ANKH: variants seen among roughly 807,000 people sequenced by gnomAD.
ANKH encodes mineralization regulator ANKH.
In ANKH, 15 loss-of-function variants were observed where a neutral mutation model predicts 49.0. That is an observed-to-expected ratio of 0.31 (90% CI 0.20 to 0.47). The LOEUF (loss-of-function observed/expected upper bound fraction) is 0.47. Among genes scored for constraint, ANKH ranks in the 20% least tolerant of loss-of-function variants. ANKH has a pLI of 1.00. For synonymous variants in ANKH, 273 were observed against 260.0 expected (o/e 1.05, Z -0.48); for missense variants, 429 against 652.0 (o/e 0.66, Z 3.72).
At chr5:14,754,592 T>TAC (rs137954196) in intron 4 of ANKH, among the ~76,000 whole-genome samples, 7 of 151,550 alleles carry the variant, frequency 4.6e-5, no homozygotes, top group Non-Finnish European at 7.4e-5. Flanking sequence ...TGCTAGTATT[T>TAC]ACACACACAC....
chr5:14,746,019 G>T, intron 6 of ANKH, 57 bp from the exon 7 acceptor site: 1 of 1,433,884 alleles, frequency 7.0e-7, no homozygotes, highest in Non-Finnish European at 9.8e-7. Flanking sequence ...TCCTCCAGGA[G>T]CTACAGTAGG....
intron 8 of ANKH, among the ~76,000 whole-genome samples, chr5:14,722,131 T>C (rs917981791): frequency 6.6e-6 from 1 of 152,154 alleles, no homozygotes; most frequent in Non-Finnish European, 1.5e-5. Context: ...AACAGTGTCA[T>C]TTTAATGAGT....
At chr5:14,746,053 G>A in intron 6 of ANKH, 91 bp from the exon 7 acceptor site, 1 of 1,007,504 alleles carries the variant, frequency 9.9e-7, no homozygotes, top group Non-Finnish European at 1.5e-6. Flanking sequence ...CGACTCAGGT[G>A]CAGCCACTGA....
At chr5:14,828,174 G>A (rs897736784) in intron 1 of ANKH, among the ~76,000 whole-genome samples, 1 of 152,130 alleles carries the variant, frequency 6.6e-6, no homozygotes, top group African/African-American at 2.4e-5. Context: ...TTGGATGCCA[G>A]GCAAGGGTAT....
Position 14,770,506 on chromosome 5 carries a change from TAATC to T in ANKH, c.97-1319_97-1316del, listed in dbSNP as rs578221505. Among the ~76,000 whole-genome samples the T allele has an allele frequency of 7.9e-5, 12 of 152,292 alleles. No individual in the cohort carries two copies. Among genetic ancestry groups the T allele is most frequent in the Non-Finnish European group, 1.6e-4 (11 of 68,026 alleles). On this transcript the variant is annotated intron_variant, in intron 1 of 11. Transcript: ENST00000284268. The surrounding 1 kb of genome is among the most constrained non-coding windows in gnomAD (Gnocchi z 4.1). ...CACAGTAAGAGATTAACAACAATAA[TAATC>T]AAACAGAATAATTATTAACAATATA... is the stretch of plus-strand genomic sequence containing the variant.
At position 14,741,891 on chromosome 5, in the gene ANKH, C is replaced by T. The variant is rs1251381282; in HGVS notation, c.947G>A (p.Ser316Asn). 1.2e-6 allele frequency: 2 copies of T among 1,614,152 alleles called. No individual in the cohort carries two copies. Among genetic ancestry groups the T allele is most frequent in the East Asian group, 4.5e-5 (2 of 44,878 alleles). The change falls in exon 8 of 12, where the codon AGC (serine) becomes AAC (asparagine). Residue 316 changes from serine to asparagine, a missense_variant. Transcript: ENST00000284268. ...NNPSNKLVST[S>N]NTVTAAHIKK... ...GATGTGGGCTGCCGTGACTGTGTTG[C>T]TCGTGCTCACCAGTTTGTTGCTGGG...
chr5:14,719,963 C>T (rs536319304), intron 8 of ANKH, among the ~76,000 whole-genome samples: 12 of 152,162 alleles, frequency 7.9e-5, no homozygotes, highest in Non-Finnish European at 1.6e-4. Flanking sequence ...GCAAGTGATT[C>T]TTCTCTACAA....
At chr5:14,739,867 T>A (rs1408561466) in intron 8 of ANKH, among the ~76,000 whole-genome samples, 2 of 152,162 alleles carry the variant, frequency 1.3e-5, no homozygotes, top group African/African-American at 2.4e-5. Flanking sequence ...AAGGTGAAAA[T>A]TTACCCTGAG....
At chr5:14,729,129 C>T (rs1423051862) in intron 8 of ANKH, among the ~76,000 whole-genome samples, 2 of 152,192 alleles carry the variant, frequency 1.3e-5, no homozygotes, top group African/African-American at 2.4e-5. Context: ...TCTTGGCTCA[C>T]TGCAACCTCC....
intron 1 of ANKH, among the ~76,000 whole-genome samples, chr5:14,774,792 T>C (rs1343904472): frequency 1.3e-5 from 2 of 152,210 alleles, no homozygotes; most frequent in Non-Finnish European, 2.9e-5. Flanking sequence ...TTTGTTTCAC[T>C]GCTACATCCC....
intron 1 of ANKH, among the ~76,000 whole-genome samples, chr5:14,846,619 A>T (rs1580113912): frequency 1.3e-5 from 2 of 152,152 alleles, no homozygotes; most frequent in Non-Finnish European, 2.9e-5. Context: ...TCTACTAGAG[A>T]TCTATTTTAC....
chr5:14,818,436 G>A (rs989520775), intron 1 of ANKH, among the ~76,000 whole-genome samples: 1 of 151,918 alleles, frequency 6.6e-6, no homozygotes, highest in African/African-American at 2.4e-5. Context: ...GAGGTCAGGA[G>A]TTCGAGACCA....
chr5:14,743,136 G>C (rs1190551492), intron 7 of ANKH, among the ~76,000 whole-genome samples: 1 of 152,140 alleles, frequency 6.6e-6, no homozygotes, highest in African/African-American at 2.4e-5. Context: ...ATGAGTATAC[G>C]TTTTCTTAAT....
chr5:14,722,186 A>G (rs1313542612), intron 8 of ANKH, among the ~76,000 whole-genome samples: 1 of 152,132 alleles, frequency 6.6e-6, no homozygotes, highest in African/African-American at 2.4e-5. Context: ...CCAGTTGACC[A>G]TGATGTGCTG....
chr5:14,863,013 C>T (rs1467160005), intron 1 of ANKH, among the ~76,000 whole-genome samples: 1 of 152,084 alleles, frequency 6.6e-6, no homozygotes, highest in Non-Finnish European at 1.5e-5. Context: ...AGCAGAACAT[C>T]AAAAAGCAAG....
At chr5:14,819,981 C>T (rs151283749) in intron 1 of ANKH, among the ~76,000 whole-genome samples, 91 of 151,542 alleles carry the variant, frequency 6.0e-4, no homozygotes, top group African/African-American at 1.9e-3. Context: ...CATTATATAA[C>T]GCCAATGGGA....
At chr5:14,727,449 A>G (rs1006857161) in intron 8 of ANKH, among the ~76,000 whole-genome samples, 2 of 151,540 alleles carry the variant, frequency 1.3e-5, no homozygotes, top group African/African-American at 4.9e-5. Context: ...ATGAAAGCAA[A>G]GTGTCTTTCA....
At chr5:14,749,405 G>C (rs111345449) in intron 5 of ANKH, 99 bp from the exon 6 acceptor site, 20 of 1,313,618 alleles carry the variant, frequency 1.5e-5, no homozygotes, top group Middle Eastern at 1.8e-4. Context: ...TTAATCACAA[G>C]CCAATTCACT....
chr5:14,755,726 G>A (rs1738863477), intron 4 of ANKH, 135 bp downstream of exon 4: 3 of 755,728 alleles, frequency 4.0e-6, no homozygotes, highest in Non-Finnish European at 7.1e-6. Flanking sequence ...AGGTCTCTAT[G>A]TGATGTAACG....
Sources: gnomAD v4.1 joint callset for allele counts (sites outside exome capture counted in the v4.1 genomes callset) on GRCh38, gnomAD v4.1.1 for gene constraint, Gnocchi (gnomAD v3.1) non-coding constraint, MANE v1.5 for transcripts, NCBI Gene and HGNC (gene_info 2026-07-23, HGNC 2026-07-21) for gene names.